ABR: variants seen among roughly 807,000 people sequenced by gnomAD.
The protein encoded by ABR is ABR activator of RhoGEF and GTPase.
ABR carries 35 observed loss-of-function variants against 107.2 expected under a neutral mutation model. That is an observed-to-expected ratio of 0.33 (90% confidence interval 0.25 to 0.43). The LOEUF (loss-of-function observed/expected upper bound fraction) is 0.43. Among genes scored for constraint, ABR ranks in the 20% least tolerant of loss-of-function variants. The probability of loss-of-function intolerance (pLI) is 1.00; values close to 1 mark genes in which losing one functional copy is unlikely to be tolerated. For synonymous variants in ABR, 498 were observed against 462.0 expected (o/e 1.08, Z -1.00); for missense variants, 815 against 1,115.2 (o/e 0.73, Z 3.83).
chr17:1,220,810 A>C (rs944913593), intron 1 of ABR, among the ~76,000 whole-genome samples: 9 of 152,196 alleles, frequency 5.9e-5, no homozygotes, highest in African/African-American at 1.9e-4. Flanking sequence ...TGACTATTCT[A>C]AAATCAACCA....
intron 1 of ABR, among the ~76,000 whole-genome samples, chr17:1,217,720 A>G (rs1376344223): frequency 6.6e-6 from 1 of 152,114 alleles, no homozygotes; most frequent in African/African-American, 2.4e-5. Context: ...TTTGAGACGG[A>G]GTCTTGCTCT....
chr17:1,106,868 A>G (rs775784367), intron 2 of ABR, among the ~76,000 whole-genome samples: 1 of 152,100 alleles, frequency 6.6e-6, no homozygotes, highest in African/African-American at 2.4e-5. Flanking sequence ...TACTCCCTGT[A>G]CCTGCCCCTT....
At position 1,011,951 on chromosome 17, in the gene ABR, G is replaced by A; in HGVS notation, c.1996C>T (p.Gln666Ter). ...CTCTTCTCCACCTCCTCCACACACT[G>A]CCGGACGATGTAGGGCACCTTGGAG... ...ERSKVPYIVR[Q>*]CVEEVEKRGI... Residue 666 changes from glutamine (Q) to a stop codon, truncating the protein, a stop_gained, in exon 19 of 23, where the codon CAG becomes TAG. Coordinates refer to ENST00000302538, the MANE Select transcript of ABR (RefSeq NM_021962.5). LOFTEE classifies it high-confidence loss of function. The surrounding 1 kb of genome is among the most constrained non-coding windows in gnomAD (Gnocchi z 4.8). 1 of 1,613,710 alleles carries A rather than the reference G, an allele frequency of 6.2e-7. No homozygotes were observed. Among genetic ancestry groups the A allele is most frequent in the Non-Finnish European group, 8.5e-7 (1 of 1,179,728 alleles).
In ABR at chr17:1,078,976, G is replaced by C. The variant is rs1044632528; in HGVS notation, c.700+354C>G. On this transcript the variant is annotated intron_variant, in intron 6 of 22. Transcript: ENST00000302538. This position sits in a 1 kb window ranked among gnomAD's most constrained non-coding sequence, Gnocchi z 7.5. ...ATGCTGCCGCACGGACTCCAGCATC[G>C]GGCAGCCGCTCCGGAGTGCTCTTCC... 2.7e-5 allele frequency: 40 copies of C among 1,500,540 alleles called. 1 individual carries two copies. The South Asian group carries it at 3.4e-4, about 13-fold the overall frequency. The allele number at this position is 1,500,540 out of a possible 1,614,324, so 93.0% of individuals were successfully genotyped here.
chr17:1,094,413 C>G (rs2037260822), intron 3 of ABR, among the ~76,000 whole-genome samples: 1 of 151,644 alleles, frequency 6.6e-6, no homozygotes, highest in African/African-American at 2.4e-5. Context: ...CTCTGTCACC[C>G]AGGCTGGAGT....
At chr17:1,128,521 CAAG>C (rs2039693669) in intron 1 of ABR, among the ~76,000 whole-genome samples, 1 of 152,238 alleles carries the variant, frequency 6.6e-6, no homozygotes, top group Non-Finnish European at 1.5e-5. Context: ...TTCTAGACAA[CAAG>C]ATGTTACAGG....
At chr17:1,031,669 C>G in intron 16 of ABR, 1 of 1,258,160 alleles carries the variant, frequency 7.9e-7, no homozygotes, top group Non-Finnish European at 1.0e-6. Flanking sequence ...CGCTTGCTCC[C>G]CGACTCCTCC....
intron 10 of ABR, among the ~76,000 whole-genome samples, chr17:1,061,207 C>T (rs1597610188): frequency 2.0e-5 from 3 of 151,976 alleles, no homozygotes; most frequent in East Asian, 3.9e-4. Flanking sequence ...ACTGTTGACT[C>T]GACTGGGCAC....
chr17:1,082,379 G>A (rs1487516098), intron 5 of ABR, among the ~76,000 whole-genome samples: 1 of 151,142 alleles, frequency 6.6e-6, no homozygotes, highest in Non-Finnish European at 1.5e-5. Flanking sequence ...TCTGCCCTGT[G>A]GAGGAGTGCG....
chr17:1,223,819 G>A (rs987810092), intron 1 of ABR, among the ~76,000 whole-genome samples: 4 of 152,142 alleles, frequency 2.6e-5, no homozygotes, highest in Admixed American at 2.0e-4. Context: ...AAAACCACCA[G>A]ATCTCATGAG....
chr17:1,108,552 C>G (rs1056845024), intron 2 of ABR, among the ~76,000 whole-genome samples: 3 of 152,262 alleles, frequency 2.0e-5, no homozygotes, highest in African/African-American at 7.2e-5. Flanking sequence ...TGCCTCAGCT[C>G]GGAGACACCA....
At chr17:1,149,024 C>T (rs1346703856) in intron 1 of ABR, among the ~76,000 whole-genome samples, 3 of 150,560 alleles carry the variant, frequency 2.0e-5, no homozygotes, top group African/African-American at 7.4e-5. Flanking sequence ...GCCTCAGCCT[C>T]CCAAGTAGCT....
At chr17:1,225,159 A>AAAAG (rs1409019980) in intron 1 of ABR, among the ~76,000 whole-genome samples, 2 of 143,442 alleles carry the variant, frequency 1.4e-5, no homozygotes, top group Non-Finnish European at 3.0e-5. Flanking sequence ...AAAAAAAAAA[A>AAAAG]AAAAGAAAAG....
Position 1,010,483 on chromosome 17 carries a change from G to T in ABR, c.2236+246C>A. The stretch of plus-strand genomic sequence containing the variant: ...CAAGCAAGAGGCCAACGTCCAAATA[G>T]GAAGCAGAAGGGGCTGCCCATGGGG... On this transcript the variant is annotated intron_variant, in intron 20 of 22. Transcript: ENST00000302538. This position sits in a 1 kb window ranked among gnomAD's most constrained non-coding sequence, Gnocchi z 4.1. 1.9e-6 allele frequency: 1 copy of T among 534,998 alleles called. No individual in the cohort carries two copies. Among genetic ancestry groups the T allele is most frequent in the East Asian group, 3.2e-5 (1 of 31,014 alleles). 33.1% of individuals were successfully genotyped at this position (534,998 alleles called of 1,614,324 possible).
At chr17:1,090,946 G>C (rs1277805615) in intron 4 of ABR, among the ~76,000 whole-genome samples, 2 of 152,122 alleles carry the variant, frequency 1.3e-5, no homozygotes, top group Non-Finnish European at 2.9e-5. Context: ...GCCAGAGATG[G>C]GGCAGAGCTG....
intron 1 of ABR, among the ~76,000 whole-genome samples, chr17:1,185,654 T>TAAAATAAAATAAAA (rs2042266236): frequency 2.5e-5 from 1 of 39,360 alleles, no homozygotes; most frequent in African/African-American, 9.7e-5. Flanking sequence ...CAGAAAGAAA[T>TAAAATAAAATAAAA]AAAAAAAAAA....
intron 2 of ABR, among the ~76,000 whole-genome samples, chr17:1,106,527 C>CT (rs540643214): frequency 0.48 from 49,504 of 102,492 alleles, 14,042 homozygotes; most frequent in East Asian, 0.76. Context: ...TTCTCACAGT[C>CT]TTTTTTTTTT....
chr17:1,161,848 C>T (rs1381610744), intron 1 of ABR, among the ~76,000 whole-genome samples: 2 of 152,184 alleles, frequency 1.3e-5, no homozygotes, highest in African/African-American at 4.8e-5. Flanking sequence ...AGCCACAGCG[C>T]CCGGCCAGAA....
intron 16 of ABR, 75 bp downstream of exon 16, chr17:1,049,975 T>C: frequency 6.5e-7 from 1 of 1,540,638 alleles, no homozygotes; most frequent in Middle Eastern, 1.7e-4. Flanking sequence ...AGCAGGCTCC[T>C]TGACCAGAAT....
Sources: allele counts gnomAD v4.1 joint callset (sites outside exome capture counted in the v4.1 genomes callset), GRCh38; gene constraint gnomAD v4.1.1; non-coding constraint Gnocchi (gnomAD v3.1); transcripts MANE v1.5; gene names NCBI Gene and HGNC (gene_info 2026-07-23, HGNC 2026-07-21).